Variants in ZNF438 observed in about 807,000 individuals in gnomAD.
The protein encoded by ZNF438 is zinc finger protein 438.
In ZNF438, 25 loss-of-function variants were observed where a neutral mutation model predicts 38.0. The ratio of observed to expected loss-of-function variants is 0.66; its 90% confidence interval spans 0.48 to 0.92. The LOEUF is 0.92. Among genes scored for constraint, ZNF438 ranks in the 40% least tolerant of loss-of-function variants. The pLI, the probability that ZNF438 is intolerant of heterozygous loss-of-function variation, is 0.00. For synonymous variants in ZNF438, 372 were observed against 364.1 expected, an observed-to-expected ratio of 1.02 and a Z score of -0.25; for missense variants, 1,007 against 999.6, an observed-to-expected ratio of 1.01 and a Z score of -0.10.
intron 4 of ZNF438, among the ~76,000 whole-genome samples, chr10:30,874,112 G>GTATATATA (rs2037980293): frequency 1.9e-4 from 7 of 36,058 alleles, no homozygotes; most frequent in Non-Finnish European, 4.8e-4. Flanking sequence ...GGGTGTGTGT[G>GTATATATA]TGTATATATA....
intron 1 of ZNF438, among the ~76,000 whole-genome samples, chr10:30,948,945 T>C (rs1173159106): frequency 1.3e-5 from 2 of 152,180 alleles, no homozygotes; most frequent in South Asian, 2.1e-4. Flanking sequence ...AGACACATAA[T>C]TGTCAGATTC....
At chr10:30,969,829 G>T (rs2050547595) in intron 1 of ZNF438, among the ~76,000 whole-genome samples, 1 of 149,202 alleles carries the variant, frequency 6.7e-6, no homozygotes, top group African/African-American at 2.5e-5. Context: ...AGTTTTTATT[G>T]TTTTTTTTTC....
chr10:31,010,519 T>C (rs1394999710), intron 1 of ZNF438, among the ~76,000 whole-genome samples: 1 of 152,146 alleles, frequency 6.6e-6, no homozygotes, highest in Non-Finnish European at 1.5e-5. Flanking sequence ...TGTACACAAA[T>C]GTTACATTCT....
chr10:30,963,644 C>G (rs1172803970), intron 1 of ZNF438, among the ~76,000 whole-genome samples: 1 of 152,018 alleles, frequency 6.6e-6, no homozygotes, highest in East Asian at 1.9e-4. Context: ...GAGGCCAAGG[C>G]GAGTGGATCA....
intron 4 of ZNF438, among the ~76,000 whole-genome samples, chr10:30,853,496 T>C (rs2034070690): frequency 6.6e-6 from 1 of 152,216 alleles, no homozygotes; most frequent in African/African-American, 2.4e-5. Flanking sequence ...GAGAGGAGGC[T>C]CCTGGCTGGG....
chr10:30,873,331 T>C (rs1325201236), intron 4 of ZNF438, among the ~76,000 whole-genome samples: 1 of 148,106 alleles, frequency 6.8e-6, no homozygotes, highest in Non-Finnish European at 1.5e-5. Flanking sequence ...ATCTGTAATA[T>C]AGTATAACTT....
At chr10:30,896,218 C>A (rs1190707172) in intron 3 of ZNF438, among the ~76,000 whole-genome samples, 1 of 150,274 alleles carries the variant, frequency 6.7e-6, no homozygotes, top group Non-Finnish European at 1.5e-5. Flanking sequence ...ACGGCATGAA[C>A]CTGGGAGGCA....
intron 1 of ZNF438, among the ~76,000 whole-genome samples, chr10:30,978,973 AT>A (rs2051770956): frequency 6.6e-6 from 1 of 152,204 alleles, no homozygotes; most frequent in Non-Finnish European, 1.5e-5. Flanking sequence ...TTTCATTTGC[AT>A]TGAGGCCATT....
rs1363363081 is a variant in ZNF438, at chr10:30,925,247, C to G, written c.-114-16232G>C. Among the ~76,000 whole-genome samples the G allele has an allele frequency of 2.0e-5, 3 of 149,238 alleles. No individual in the cohort carries two copies. In the East Asian group the frequency reaches 6.0e-4, roughly 30 times the overall value. On this transcript the variant is annotated intron_variant, in intron 2 of 5. Transcript: ENST00000413025. ...CTAGGATCTCTGACACAATATTGAA[C>G]AGAAATGGTGATACTGGGCAGCTTT...
intron 1 of ZNF438, among the ~76,000 whole-genome samples, chr10:30,952,055 A>G (rs1048076912): frequency 6.7e-6 from 1 of 150,126 alleles, no homozygotes; most frequent in Non-Finnish European, 1.5e-5. Flanking sequence ...AAACAGAGAT[A>G]TAGATCAATG....
chr10:30,952,148 G>C (rs1476069733), intron 1 of ZNF438, among the ~76,000 whole-genome samples: 1 of 151,656 alleles, frequency 6.6e-6, no homozygotes, highest in Non-Finnish European at 1.5e-5. Context: ...CAAGCAATGG[G>C]GAAAGGATTC....
chr10:30,852,494 C>T (rs2033844935), intron 4 of ZNF438, among the ~76,000 whole-genome samples: 1 of 152,172 alleles, frequency 6.6e-6, no homozygotes, highest in Non-Finnish European at 1.5e-5. Context: ...AGGCATGAGC[C>T]ACCGCGCCCG....
At chr10:30,910,536 T>A (rs145018721) in intron 2 of ZNF438, 1 of 151,820 alleles carries the variant, frequency 6.6e-6, no homozygotes, top group Admixed American at 6.6e-5. Context: ...CTGGTCAGTA[T>A]GAAGAGAGTC....
chr10:30,980,872 C>T (rs1477012023), intron 1 of ZNF438, among the ~76,000 whole-genome samples: 4 of 152,238 alleles, frequency 2.6e-5, no homozygotes, highest in Non-Finnish European at 5.9e-5. Flanking sequence ...TGTCTACAAA[C>T]TATGAAGTCC....
At chr10:30,863,384 A>G (rs2035903276) in intron 4 of ZNF438, among the ~76,000 whole-genome samples, 1 of 152,186 alleles carries the variant, frequency 6.6e-6, no homozygotes, top group Non-Finnish European at 1.5e-5. Context: ...TTAGTTGTCT[A>G]TGAGTTAGCT....
chr10:30,874,953 A>G (rs1364245409), intron 4 of ZNF438, among the ~76,000 whole-genome samples: 1 of 152,242 alleles, frequency 6.6e-6, no homozygotes, highest in Non-Finnish European at 1.5e-5. Context: ...TTGTAAAATA[A>G]GGTTTACGTC....
intron 2 of ZNF438, among the ~76,000 whole-genome samples, chr10:30,916,777 T>C (rs150776127): frequency 6.6e-6 from 1 of 152,200 alleles, no homozygotes; most frequent in East Asian, 1.9e-4. Flanking sequence ...TATGTATTTC[T>C]CTATGTAGAT....
intron 1 of ZNF438, among the ~76,000 whole-genome samples, chr10:30,970,193 A>G (rs1291675210): frequency 1.3e-5 from 2 of 151,996 alleles, no homozygotes; most frequent in African/African-American, 4.8e-5. Context: ...TTAAATGTTA[A>G]AAGAGGTGAT....
intron 4 of ZNF438, among the ~76,000 whole-genome samples, chr10:30,854,236 C>T (rs777490138): frequency 1.9e-4 from 29 of 152,172 alleles, no homozygotes; most frequent in Admixed American, 3.3e-4. Context: ...AGGAGAATGG[C>T]GTGAACCCGG....
Sources: gnomAD v4.1 joint callset for allele counts (sites outside exome capture counted in the v4.1 genomes callset) on GRCh38, gnomAD v4.1.1 for gene constraint, MANE v1.5 for transcripts, NCBI Gene and HGNC (gene_info 2026-07-23, HGNC 2026-07-21) for gene names.